The following LAMA2 variants were observed in gnomAD, a reference collection of about 807,000 sequenced individuals.
LAMA2 encodes the protein laminin subunit alpha-2.
Under a neutral mutation model 364.8 loss-of-function variants are expected in LAMA2, and 269 were observed. The ratio of observed to expected loss-of-function variants is 0.74; its 90% confidence interval spans 0.67 to 0.82. The LOEUF (loss-of-function observed/expected upper bound fraction) is 0.82. LAMA2 is among the 40% of genes least tolerant of loss of function. The probability of loss-of-function intolerance (pLI) is 0.00; values close to 1 mark genes in which losing one functional copy is unlikely to be tolerated. For missense variants in LAMA2, 3,807 were observed against 3,873.2 expected, an observed-to-expected ratio of 0.98 and a Z score of 0.45; for synonymous variants, 1,379 against 1,370.6, an observed-to-expected ratio of 1.01 and a Z score of -0.14.
intron 8 of LAMA2, among the ~76,000 whole-genome samples, chr6:129,162,312 T>C (rs1779486855): frequency 6.6e-6 from 1 of 152,200 alleles, no homozygotes; most frequent in Admixed American, 6.5e-5. Flanking sequence ...GTTGTCATTT[T>C]TGTTTGAAGT....
At chr6:128,953,271 A>T (rs1226056588) in intron 1 of LAMA2, among the ~76,000 whole-genome samples, 1 of 152,142 alleles carries the variant, frequency 6.6e-6, no homozygotes, top group African/African-American at 2.4e-5. Flanking sequence ...TCCTGGCGTT[A>T]CTTTAATTTT....
intron 1 of LAMA2, among the ~76,000 whole-genome samples, chr6:128,996,697 A>C (rs908655926): frequency 6.6e-6 from 1 of 152,224 alleles, no homozygotes; most frequent in Non-Finnish European, 1.5e-5. Flanking sequence ...ATTAGTTCAG[A>C]CATTCTGGAA....
intron 1 of LAMA2, among the ~76,000 whole-genome samples, chr6:128,946,194 A>G (rs1780471815): frequency 6.6e-6 from 1 of 152,282 alleles, no homozygotes; most frequent in Admixed American, 6.5e-5. Flanking sequence ...TTTATTATAC[A>G]GTAATAAAAA....
At chr6:129,260,067 A>G (rs1284615026) in intron 14 of LAMA2, among the ~76,000 whole-genome samples, 1 of 152,144 alleles carries the variant, frequency 6.6e-6, no homozygotes, top group Non-Finnish European at 1.5e-5. Context: ...AGTTATGCCA[A>G]ATCACTCTGC....
At chr6:129,304,353 T>C (rs1335926638) in intron 22 of LAMA2, among the ~76,000 whole-genome samples, 1 of 152,152 alleles carries the variant, frequency 6.6e-6, no homozygotes, top group Non-Finnish European at 1.5e-5. Flanking sequence ...CAGCTCCGCC[T>C]CCCGGGTTCA....
At chr6:128,974,239 A>T (rs754565139) in intron 1 of LAMA2, among the ~76,000 whole-genome samples, 31 of 152,224 alleles carry the variant, frequency 2.0e-4, no homozygotes, top group Admixed American at 6.5e-4. Context: ...CAAGGAGGAC[A>T]AAAAGTGTCC....
intron 2 of LAMA2, among the ~76,000 whole-genome samples, chr6:129,056,915 T>C (rs1414462933): frequency 7.2e-6 from 1 of 139,686 alleles, no homozygotes; most frequent in African/African-American, 2.7e-5. Context: ...TTTTTTTTCA[T>C]AGAGATGGGG....
At chr6:129,051,693 G>C (rs1471261827) in intron 2 of LAMA2, among the ~76,000 whole-genome samples, 1 of 117,316 alleles carries the variant, frequency 8.5e-6, no homozygotes, top group Non-Finnish European at 1.9e-5. Flanking sequence ...TATATCTATA[G>C]ATCGATCTAT....
At chr6:129,208,675 GAGAAGGAA>G (rs1443174866) in intron 12 of LAMA2, among the ~76,000 whole-genome samples, 4 of 115,238 alleles carry the variant, frequency 3.5e-5, no homozygotes, top group Non-Finnish European at 5.0e-5. Flanking sequence ...GAAAGAGAAA[GAGAAGGAA>G]AGAAAGAAAA....
At chr6:129,352,024 G>A (rs542960149) in intron 31 of LAMA2, among the ~76,000 whole-genome samples, 80 of 152,280 alleles carry the variant, frequency 5.3e-4, no homozygotes, top group Non-Finnish European at 9.1e-4. Context: ...AGTATTTATA[G>A]CTTTTGGCTC....
At chr6:129,192,395 A>G (rs1243899985) in intron 11 of LAMA2, among the ~76,000 whole-genome samples, 1 of 152,196 alleles carries the variant, frequency 6.6e-6, no homozygotes, top group Non-Finnish European at 1.5e-5. Context: ...TGGTATTTGG[A>G]ACCACAATTT....
chr6:129,101,654 G>A (rs1049298480), intron 4 of LAMA2, among the ~76,000 whole-genome samples: 36 of 152,136 alleles, frequency 2.4e-4, no homozygotes, highest in African/African-American at 8.2e-4. Flanking sequence ...CATTACACTA[G>A]CCACATTTCA....
chr6:129,167,738 C>A (rs1187972147), intron 9 of LAMA2, among the ~76,000 whole-genome samples: 1 of 152,186 alleles, frequency 6.6e-6, no homozygotes, highest in Non-Finnish European at 1.5e-5. Context: ...AATGGCCACA[C>A]TGACTTCCAC....
intron 1 of LAMA2, among the ~76,000 whole-genome samples, chr6:128,962,160 A>G (rs1408482104): frequency 6.8e-5 from 8 of 117,060 alleles, no homozygotes; most frequent in African/African-American, 3.0e-4. Flanking sequence ...ATATATATAT[A>G]TATATATATA....
Position 129,441,006 on chromosome 6 carries a change from C to A in LAMA2, c.6268+8C>A. The A allele has an allele frequency of 1.2e-6, 2 of 1,608,784 alleles. No homozygotes were observed. Among genetic ancestry groups the A allele is most frequent in the South Asian group, 1.1e-5 (1 of 90,966 alleles). On this transcript the variant is annotated splice_region_variant and intron_variant, in intron 43 of 64. Coordinates refer to ENST00000421865, the MANE Select transcript of LAMA2 (RefSeq NM_000426.4). ...AAGATCCTTCCAAGAACAGTAAGATCTCCTTTTTCATTGTGATGATGTCAT... is the reference window on the plus strand; with the variant it reads ...AAGATCCTTCCAAGAACAGTAAGATATCCTTTTTCATTGTGATGATGTCAT...
At chr6:129,373,575 T>G (rs1189671905) in intron 34 of LAMA2, among the ~76,000 whole-genome samples, 1 of 152,210 alleles carries the variant, frequency 6.6e-6, no homozygotes, top group Admixed American at 6.5e-5. Flanking sequence ...GTTTTTTTAC[T>G]GTTTCAGGAT....
intron 7 of LAMA2, among the ~76,000 whole-genome samples, chr6:129,151,019 C>T (rs1029476563): frequency 6.6e-6 from 1 of 152,166 alleles, no homozygotes; most frequent in Non-Finnish European, 1.5e-5. Flanking sequence ...TGAGCCTTTA[C>T]TAAACAACAG....
intron 12 of LAMA2, among the ~76,000 whole-genome samples, chr6:129,202,591 C>T (rs1225270522): frequency 3.3e-5 from 5 of 152,136 alleles, no homozygotes; most frequent in Non-Finnish European, 7.3e-5. Flanking sequence ...ATTTTTAATG[C>T]TTAAAAACTA....
chr6:129,212,136 G>T (rs935201714), intron 12 of LAMA2, among the ~76,000 whole-genome samples: 4 of 152,160 alleles, frequency 2.6e-5, no homozygotes, highest in Non-Finnish European at 5.9e-5. Context: ...GGCCTCATCT[G>T]TTCAGAACCA....
Sources: allele counts gnomAD v4.1 joint callset (sites outside exome capture counted in the v4.1 genomes callset), GRCh38; gene constraint gnomAD v4.1.1; transcripts MANE v1.5; gene names NCBI Gene and HGNC (gene_info 2026-07-23, HGNC 2026-07-21).